Variants in CCDC32 observed in about 807,000 individuals in gnomAD.
The protein encoded by CCDC32 is coiled-coil domain-containing protein 32.
Under a neutral mutation model 20.1 loss-of-function variants are expected in CCDC32, and 9 were observed. The observed-to-expected ratio is 0.45, with a 90% CI of 0.27 to 0.78. The LOEUF (loss-of-function observed/expected upper bound fraction) is 0.78. CCDC32 is among the 30% of genes least tolerant of loss of function. The probability of loss-of-function intolerance (pLI) is 0.16; values close to 1 mark genes in which losing one functional copy is unlikely to be tolerated. For synonymous variants in CCDC32, 63 were observed against 79.0 expected (o/e 0.80, Z 1.07); for missense variants, 204 against 215.5 (o/e 0.95, Z 0.33).
chr15:40,552,481 C>CAAAAAAAAAA (rs58360713), downstream of CCDC32, among the ~76,000 whole-genome samples: 1 of 94,338 alleles, frequency 1.1e-5, no homozygotes, highest in Non-Finnish European at 2.0e-5. Context: ...AACTCCATCT[C>CAAAAAAAAAA]AAAAAAAAAA....
chr15:40,564,818 A>G, intron 1 of CCDC32, 158 bp downstream of exon 1: 1 of 1,613,942 alleles, frequency 6.2e-7, no homozygotes, highest in Non-Finnish European at 8.5e-7. Flanking sequence ...AGAACCACGC[A>G]GGAAATTCCG....
chr15:40,533,327 C>A (rs1447319737), downstream of CCDC32, among the ~76,000 whole-genome samples: 2 of 152,148 alleles, frequency 1.3e-5, no homozygotes, highest in Non-Finnish European at 2.9e-5. Context: ...GTTTGCTATA[C>A]ATAATTGTCC....
At chr15:40,548,882 G>A (rs1889729435), downstream of CCDC32, among the ~76,000 whole-genome samples, 1 of 152,206 alleles carries the variant, frequency 6.6e-6, no homozygotes, top group South Asian at 2.1e-4. Context: ...AGATCTCAGG[G>A]GAGGAGTGTC....
downstream of CCDC32, among the ~76,000 whole-genome samples, chr15:40,528,450 A>T (rs926396450): frequency 2.6e-5 from 4 of 152,226 alleles, no homozygotes; most frequent in Non-Finnish European, 5.9e-5. Flanking sequence ...GCAAGGCCAG[A>T]CCAAGGGAGG....
intron 2 of CCDC32, among the ~76,000 whole-genome samples, chr15:40,558,415 G>C (rs987044243): frequency 3.9e-5 from 6 of 152,060 alleles, no homozygotes; most frequent in Admixed American, 3.9e-4. Flanking sequence ...ATATAAAAAG[G>C]GTTATCCATA....
At chr15:40,536,849 CG>C (rs1889134161), downstream of CCDC32, 1 of 152,276 alleles carries the variant, frequency 6.6e-6, no homozygotes, top group East Asian at 1.9e-4. Context: ...ATGACTGCTA[CG>C]ATGGTGATGA....
chr15:40,549,404 C>T (rs775656409), downstream of CCDC32, among the ~76,000 whole-genome samples: 2 of 152,212 alleles, frequency 1.3e-5, no homozygotes, highest in Middle Eastern at 3.4e-3. Flanking sequence ...CCTCTTGGTC[C>T]CCATGCTCTT....
At chr15:40,536,543 T>A (rs1190570708), downstream of CCDC32, 1 of 152,276 alleles carries the variant, frequency 6.6e-6, no homozygotes, top group Non-Finnish European at 1.5e-5. Context: ...TTCTCAGAGG[T>A]GAGGACCCCT....
chr15:40,560,447 A>G (rs1464878133), intron 2 of CCDC32, among the ~76,000 whole-genome samples: 1 of 152,264 alleles, frequency 6.6e-6, no homozygotes, highest in East Asian at 1.9e-4. Flanking sequence ...GGAATGGGAG[A>G]AAGTATTTGC....
chr15:40,539,336 G>A (rs1192592228), exon 4 of CCDC32: 13 of 1,535,592 alleles, frequency 8.5e-6, no homozygotes, highest in African/African-American at 1.4e-5. Context: ...CTGCTGCCAG[G>A]GGTTCTGGAG....
downstream of CCDC32, chr15:40,531,969 T>C (rs1888894664): frequency 4.4e-6 from 1 of 227,596 alleles, no homozygotes; most frequent in African/African-American, 2.3e-5. Flanking sequence ...GAGGGTAATA[T>C]TTCTCTTTAA....
chr15:40,532,497 C>T (rs1477623101), downstream of CCDC32, among the ~76,000 whole-genome samples: 3 of 152,134 alleles, frequency 2.0e-5, no homozygotes, highest in Non-Finnish European at 4.4e-5. Flanking sequence ...ATTTTCATCC[C>T]TGCTTCACAG....
chr15:40,534,702 G>A (rs75815983), downstream of CCDC32: 8,522 of 569,260 alleles, frequency 0.015, 539 homozygotes, highest in African/African-American at 0.14. Flanking sequence ...CATGGCAGAA[G>A]AGAACTAGCT....
At chr15:40,549,274 T>C (rs2141623026), downstream of CCDC32, among the ~76,000 whole-genome samples, 1 of 152,288 alleles carries the variant, frequency 6.6e-6, no homozygotes, top group South Asian at 2.1e-4. Context: ...ATTTCCACCC[T>C]CACCTCTCGT....
At chr15:40,558,885 G>A (rs954601954) in intron 2 of CCDC32, among the ~76,000 whole-genome samples, 1 of 151,316 alleles carries the variant, frequency 6.6e-6, no homozygotes, top group African/African-American at 2.4e-5. Context: ...CTCACTGCAA[G>A]CTCCGCCTCC....
intron 3 of CCDC32, among the ~76,000 whole-genome samples, chr15:40,541,669 C>G (rs1889401381): frequency 1.3e-5 from 2 of 152,224 alleles, no homozygotes; most frequent in Admixed American, 6.5e-5. Flanking sequence ...CCCAGGGCGA[C>G]AGCCCTAACT....
rs760295859 is a variant in CCDC32 at position 40,553,931 on chromosome 15, TG to T, written c.*39del. 3.5e-5 allele frequency: 18 copies of T among 518,384 alleles called. No homozygotes were observed. The highest frequency in any genetic ancestry group is 5.1e-5 in the Non-Finnish European group (17 of 335,478). 32.1% of individuals were successfully genotyped at this position (518,384 alleles called of 1,614,324 possible). On this transcript the variant is annotated 3_prime_UTR_variant, in exon 4 of 4. Coordinates refer to ENST00000416810, the MANE Select transcript of CCDC32 (RefSeq NM_001080792.4). ...GTGTGTGTGTGTGTGTGTGTGTGTGTGTGTGTGTGTGTGTGTGTGTGTGTGT... is the reference window on the plus strand; with the variant it reads ...GTGTGTGTGTGTGTGTGTGTGTGTGTTGTGTGTGTGTGTGTGTGTGTGTGT...
intron 3 of CCDC32, among the ~76,000 whole-genome samples, chr15:40,542,353 C>T (rs1889430557): frequency 6.6e-6 from 1 of 152,186 alleles, no homozygotes; most frequent in African/African-American, 2.4e-5. Flanking sequence ...TCTCTTAAAT[C>T]TCTTTTCTAT....
At chr15:40,557,018 T>A in intron 3 of CCDC32, 198 bp downstream of exon 3, 1 of 541,146 alleles carries the variant, frequency 1.8e-6, no homozygotes, top group Non-Finnish European at 3.1e-6. Context: ...AGTTACTACT[T>A]TCTCAAGTTC....
Sources: gnomAD v4.1 joint callset for allele counts (sites outside exome capture counted in the v4.1 genomes callset) on GRCh38, gnomAD v4.1.1 for gene constraint, MANE v1.5 for transcripts, NCBI Gene and HGNC (gene_info 2026-07-23, HGNC 2026-07-21) for gene names.